The following PALLD variants were observed in gnomAD, a reference collection of about 807,000 sequenced individuals.
The protein encoded by PALLD is palladin, cytoskeletal associated protein.
Under a neutral mutation model 123.5 loss-of-function variants are expected in PALLD, and 61 were observed. The ratio of observed to expected loss-of-function variants is 0.49; its 90% CI spans 0.40 to 0.61. The LOEUF (loss-of-function observed/expected upper bound fraction) is 0.61, where lower values mean the gene tolerates loss of function less well. Among genes scored for constraint, PALLD ranks in the 20% least tolerant of loss-of-function variants. The pLI is 0.00. For synonymous variants in PALLD, 465 were observed against 496.4 expected (o/e 0.94, Z 0.84); for missense variants, 1,273 against 1,377.0 (o/e 0.92, Z 1.20).
At chr4:168,812,305 G>T (rs989727579) in intron 10 of PALLD, among the ~76,000 whole-genome samples, 1 of 152,134 alleles carries the variant, frequency 6.6e-6, no homozygotes, top group Non-Finnish European at 1.5e-5. Context: ...GATTAGTAAG[G>T]GGTATCTAAG....
intron 4 of PALLD, among the ~76,000 whole-genome samples, chr4:168,682,117 G>T (rs1411990162): frequency 6.6e-6 from 1 of 152,112 alleles, no homozygotes; most frequent in African/African-American, 2.4e-5. Flanking sequence ...TTTAGATCTT[G>T]TACCCGAAAT....
intron 2 of PALLD, among the ~76,000 whole-genome samples, chr4:168,539,457 G>A (rs191814410): frequency 6.6e-6 from 1 of 152,058 alleles, no homozygotes; most frequent in Non-Finnish European, 1.5e-5. Flanking sequence ...CCGTGGTGGC[G>A]CACCCCTGTA....
chr4:168,713,479 C>T (rs1387190109), intron 10 of PALLD, among the ~76,000 whole-genome samples: 1 of 152,182 alleles, frequency 6.6e-6, no homozygotes, highest in East Asian at 1.9e-4. Flanking sequence ...TAAAGTCTAT[C>T]TACTCTAATG....
At chr4:168,759,279 C>T (rs1732487600) in intron 10 of PALLD, among the ~76,000 whole-genome samples, 1 of 138,890 alleles carries the variant, frequency 7.2e-6, no homozygotes, top group Admixed American at 7.7e-5. Context: ...CTGACCCCAC[C>T]AATCTTACCC....
At chr4:168,925,499 G>GT (rs2126601502) in intron 21 of PALLD, 1 of 539,942 alleles carries the variant, frequency 1.9e-6, no homozygotes, top group South Asian at 2.1e-5. Context: ...CACTCTAAAC[G>GT]TGTGTTCCAT....
At chr4:168,677,268 A>G (rs1256543332) in intron 3 of PALLD, among the ~76,000 whole-genome samples, 5 of 151,912 alleles carry the variant, frequency 3.3e-5, no homozygotes, top group Admixed American at 2.0e-4. Context: ...CCTGAGGGGA[A>G]GGCAGGGAAC....
chr4:168,851,267 T>C (rs957325120), intron 10 of PALLD, among the ~76,000 whole-genome samples: 2 of 152,232 alleles, frequency 1.3e-5, no homozygotes, highest in South Asian at 4.1e-4. Context: ...GACTTAAATA[T>C]ATAAAATGGA....
chr4:168,525,431 G>A lies in PALLD; in HGVS notation c.908+13019G>A, dbSNP rs1239798386. Among the ~76,000 whole-genome samples the A allele has an allele frequency of 2.6e-5, 4 of 152,146 alleles. No homozygotes were observed. The South Asian group carries it at 6.2e-4, about 24-fold the overall frequency. On this transcript the variant is annotated intron_variant, in intron 2 of 21. Transcript: ENST00000505667. ...TCTGCCCACAGTAAAATTCATCAGG[G>A]GGCCACATGGTATAGTGTATCTAGG...
At chr4:168,672,566 C>G (rs1190560086) in intron 3 of PALLD, among the ~76,000 whole-genome samples, 3 of 152,064 alleles carry the variant, frequency 2.0e-5, no homozygotes, top group Non-Finnish European at 4.4e-5. Flanking sequence ...TCACGCCATT[C>G]TCCTGCCTCA....
chr4:168,877,815 C>T (rs1275599681), intron 10 of PALLD: 6 of 1,259,992 alleles, frequency 4.8e-6, no homozygotes, highest in Non-Finnish European at 6.0e-6. Context: ...CGCAGCGCGC[C>T]GCCCTCGCCC....
chr4:168,794,822 A>G (rs1209630525), intron 10 of PALLD, among the ~76,000 whole-genome samples: 2 of 152,198 alleles, frequency 1.3e-5, no homozygotes, highest in African/African-American at 4.8e-5. Flanking sequence ...ATTAGCGATC[A>G]TTAGTAGTAG....
chr4:168,541,443 TTTTATTTATTTATTTA>T (rs60488300), intron 2 of PALLD, among the ~76,000 whole-genome samples: 85,026 of 147,654 alleles, frequency 0.58, 25,148 homozygotes, highest in East Asian at 0.84. Context: ...CTCTCACTCA[TTTTATTTATTTATTTA>T]TTTATTTATT....
intron 12 of PALLD, 46 bp from the exon 13 acceptor site, chr4:168,896,503 A>C: frequency 9.0e-7 from 1 of 1,105,086 alleles, no homozygotes; most frequent in Non-Finnish European, 1.3e-6. Context: ...CTGCATTCTT[A>C]TTATTTCTAT....
At chr4:168,622,177 T>G (rs746420349) in intron 2 of PALLD, among the ~76,000 whole-genome samples, 9 of 152,148 alleles carry the variant, frequency 5.9e-5, no homozygotes, top group Non-Finnish European at 1.0e-4. Context: ...GCCCCTCACA[T>G]GCAGACAAAA....
intron 18 of PALLD, among the ~76,000 whole-genome samples, chr4:168,922,179 T>C (rs1761720133): frequency 6.6e-6 from 1 of 150,888 alleles, no homozygotes; most frequent in Non-Finnish European, 1.5e-5. Context: ...TCTACCCTCA[T>C]AGTCATTGTC....
intron 2 of PALLD, among the ~76,000 whole-genome samples, chr4:168,636,125 C>G (rs1776325350): frequency 6.6e-6 from 1 of 152,106 alleles, no homozygotes; most frequent in African/African-American, 2.4e-5. Flanking sequence ...AACTGGAGCT[C>G]TAGAGGTTAA....
intron 10 of PALLD, chr4:168,832,122 G>T: frequency 1.0e-6 from 1 of 974,446 alleles, no homozygotes; most frequent in Non-Finnish European, 1.2e-6. Context: ...GCTCCCGCTC[G>T]CTCCGGACGC....
intron 8 of PALLD, among the ~76,000 whole-genome samples, chr4:168,707,302 G>T (rs1469877821): frequency 6.6e-6 from 1 of 152,204 alleles, no homozygotes; most frequent in Non-Finnish European, 1.5e-5. Flanking sequence ...AATTCGGTGG[G>T]TGAACTATTT....
intron 10 of PALLD, among the ~76,000 whole-genome samples, chr4:168,793,169 A>T (rs28516495): frequency 9.1e-6 from 1 of 110,424 alleles, no homozygotes. Context: ...ATACATATAT[A>T]TGTGTGCATA....
Sources: gnomAD v4.1 joint callset for allele counts (sites outside exome capture counted in the v4.1 genomes callset) on GRCh38, gnomAD v4.1.1 for gene constraint, MANE v1.5 for transcripts, NCBI Gene and HGNC (gene_info 2026-07-23, HGNC 2026-07-21) for gene names.